ARHGEF12: variants seen among roughly 807,000 people sequenced by gnomAD.
ARHGEF12 encodes KMT2A/ARHGEF12 fusion protein.
ARHGEF12 carries 66 observed loss-of-function variants against 211.2 expected under a neutral mutation model. The ratio of observed to expected loss-of-function variants is 0.31; its 90% CI spans 0.26 to 0.38. The LOEUF is 0.38. Ranked by LOEUF, ARHGEF12 falls within the 10% of genes least tolerant of loss-of-function variation. The pLI, the probability that ARHGEF12 is intolerant of heterozygous loss-of-function variation, is 1.00. For synonymous variants in ARHGEF12, 592 were observed against 638.4 expected (o/e 0.93, Z 1.09); for missense variants, 1,429 against 1,869.5 (o/e 0.76, Z 4.34).
intron 22 of ARHGEF12, among the ~76,000 whole-genome samples, chr11:120,454,274 CAT>C (rs1219986107): frequency 3.3e-5 from 5 of 152,248 alleles, no homozygotes; most frequent in Admixed American, 1.3e-4. Flanking sequence ...TAATGCCAAA[CAT>C]ATCAGACAAT....
At chr11:120,449,759 A>G (rs1399489003) in intron 21 of ARHGEF12, 3 of 151,786 alleles carry the variant, frequency 2.0e-5, no homozygotes, top group African/African-American at 7.3e-5. Flanking sequence ...TAGTGGCAGT[A>G]TTCTGTCAAA....
intron 30 of ARHGEF12, among the ~76,000 whole-genome samples, chr11:120,469,941 G>A (rs1020303322): frequency 1.3e-5 from 2 of 152,186 alleles, no homozygotes; most frequent in African/African-American, 4.8e-5. Flanking sequence ...AAAATGATGT[G>A]AAGGGTGCAA....
intron 1 of ARHGEF12, among the ~76,000 whole-genome samples, chr11:120,363,778 C>T (rs1429759547): frequency 6.6e-6 from 1 of 152,192 alleles, no homozygotes; most frequent in Non-Finnish European, 1.5e-5. Flanking sequence ...GCTCCCTCTC[C>T]TCAAGGAGAG....
chr11:120,347,374 A>G (rs1942800677), intron 1 of ARHGEF12, among the ~76,000 whole-genome samples: 1 of 150,216 alleles, frequency 6.7e-6, no homozygotes, highest in Admixed American at 6.7e-5. Flanking sequence ...CAGAGGTTTC[A>G]TTTCTCACTG....
rs1337482478 is a variant in ARHGEF12 at position 120,374,097 on chromosome 11, G to A, written c.33-32021G>A. Among the ~76,000 whole-genome samples the A allele has an allele frequency of 4.6e-5, 7 of 152,222 alleles. No homozygotes were observed. In the East Asian group the frequency reaches 5.8e-4, roughly 13 times the overall value. Reference sequence around the variant, plus strand: ...GCTGGGATTACAGGCGTGAGCCACCGCACCCGGCCAAAAAATGTATTTTTA... The same window carrying A: ...GCTGGGATTACAGGCGTGAGCCACCACACCCGGCCAAAAAATGTATTTTTA... On this transcript the variant is annotated intron_variant, in intron 1 of 40. Coordinates refer to ENST00000397843, the MANE Select transcript of ARHGEF12 (RefSeq NM_015313.3).
At chr11:120,417,695 T>C (rs1945073195) in intron 4 of ARHGEF12, among the ~76,000 whole-genome samples, 1 of 151,940 alleles carries the variant, frequency 6.6e-6, no homozygotes, top group Non-Finnish European at 1.5e-5. Flanking sequence ...TGTTTTATCA[T>C]GTTGGTCAGG....
At chr11:120,429,572 G>T in intron 9 of ARHGEF12, 55 bp downstream of exon 9, 1 of 1,585,672 alleles carries the variant, frequency 6.3e-7, no homozygotes, top group Non-Finnish European at 8.6e-7. Flanking sequence ...GAGTGGGCAT[G>T]GTTGAGTTGG....
At chr11:120,391,585 A>G (rs1440618779) in intron 1 of ARHGEF12, among the ~76,000 whole-genome samples, 2 of 152,198 alleles carry the variant, frequency 1.3e-5, no homozygotes, top group African/African-American at 2.4e-5. Context: ...AAATCCAAAT[A>G]CTTGTGTTAG....
intron 4 of ARHGEF12, among the ~76,000 whole-genome samples, chr11:120,415,440 T>G (rs1475443707): frequency 6.6e-6 from 1 of 152,188 alleles, no homozygotes; most frequent in Non-Finnish European, 1.5e-5. Context: ...AGATGCTCAA[T>G]GCAAATTTGC....
chr11:120,431,746 C>T lies in ARHGEF12; in HGVS notation c.784-25C>T, dbSNP rs201129351. On this transcript the variant is annotated intron_variant, in intron 10 of 40. Coordinates refer to ENST00000397843, the MANE Select transcript of ARHGEF12 (RefSeq NM_015313.3). ...GTTTTCTTTTATGTGTTTGTGTGCG[C>T]GTGTTTTTCTTTCATCTGTTTTAGG... is the stretch of plus-strand genomic sequence containing the variant. 960 of 1,549,626 alleles carry T rather than the reference C, an allele frequency of 6.2e-4. 4 individuals are homozygous for T. The highest frequency in any genetic ancestry group is 2.7e-3 in the African/African-American group (195 of 72,762).
At position 120,429,763 on chromosome 11, in the gene ARHGEF12, A is replaced by G; in HGVS notation, c.715A>G (p.Ile239Val). Residue 239 changes from isoleucine (I) to valine (V), a missense_variant, in exon 10 of 41, where the codon ATC (isoleucine) becomes GTC (valine). This residue lies in a region of ARHGEF12 where 254 missense variants were observed against 286.4 expected (regional missense o/e 0.89). Transcript: ENST00000397843. ...ACCTGCCCAAAGATTGCTAAAAGAG[A>G]TCCAAGAGGCCAAGAAACACATTCC... ...RTPAQRLLKE[I>V]QEAKKHIPQL... 1.2e-6 allele frequency: 2 copies of G among 1,613,952 alleles called. No individual in the cohort carries two copies. The highest frequency in any genetic ancestry group is 1.7e-6 in the Non-Finnish European group (2 of 1,179,874).
At chr11:120,375,450 T>C (rs1430860777) in intron 1 of ARHGEF12, among the ~76,000 whole-genome samples, 2 of 152,118 alleles carry the variant, frequency 1.3e-5, no homozygotes, top group Non-Finnish European at 2.9e-5. Context: ...AACACTGTAA[T>C]GATATTCTTA....
At chr11:120,379,084 A>G (rs1393090393) in intron 1 of ARHGEF12, among the ~76,000 whole-genome samples, 3 of 152,136 alleles carry the variant, frequency 2.0e-5, no homozygotes, top group Non-Finnish European at 4.4e-5. Flanking sequence ...CCATTGGCAT[A>G]ATCTTTCTCT....
At chr11:120,460,628 A>G (rs755358980) in intron 26 of ARHGEF12, 44 bp from the exon 27 acceptor site, 2 of 1,546,124 alleles carry the variant, frequency 1.3e-6, no homozygotes, top group Non-Finnish European at 1.8e-6. Flanking sequence ...AATTCTGTCT[A>G]CACTGAATGT....
intron 11 of ARHGEF12, among the ~76,000 whole-genome samples, chr11:120,434,728 G>A (rs550907540): frequency 1.3e-5 from 2 of 152,172 alleles, no homozygotes; most frequent in Non-Finnish European, 2.9e-5. Context: ...CACAAGAGAA[G>A]CAACTTGGTA....
intron 36 of ARHGEF12, 133 bp from the exon 37 acceptor site, chr11:120,478,023 G>C: frequency 1.5e-6 from 1 of 657,568 alleles, no homozygotes; most frequent in East Asian, 2.7e-5. Context: ...TAAGTGATGT[G>C]TATTTTTCTT....
intron 1 of ARHGEF12, among the ~76,000 whole-genome samples, chr11:120,356,432 A>G (rs1184253612): frequency 6.6e-6 from 1 of 152,092 alleles, no homozygotes; most frequent in Non-Finnish European, 1.5e-5. Context: ...TTGCCCAGCT[A>G]GTCTTGAACT....
intron 1 of ARHGEF12, among the ~76,000 whole-genome samples, chr11:120,351,905 G>A (rs1942988674): frequency 1.3e-5 from 2 of 152,098 alleles, no homozygotes; most frequent in Admixed American, 1.3e-4. Flanking sequence ...ATGAGCCTCT[G>A]AGAGGTTCAC....
chr11:120,455,150 A>G (rs1404501114), intron 22 of ARHGEF12, among the ~76,000 whole-genome samples: 1 of 152,214 alleles, frequency 6.6e-6, no homozygotes, highest in Admixed American at 6.5e-5. Flanking sequence ...CAGAGAGCCA[A>G]CATCTGTCTC....
Sources: gnomAD v4.1 joint callset for allele counts (sites outside exome capture counted in the v4.1 genomes callset) on GRCh38, gnomAD v4.1.1 for gene constraint, gnomAD v4.1.1 regional missense constraint, MANE v1.5 for transcripts, NCBI Gene and HGNC (gene_info 2026-07-23, HGNC 2026-07-21) for gene names.